Variants in PSMC6 observed in about 807,000 individuals in gnomAD.
The protein encoded by PSMC6 is 26S proteasome regulatory subunit 10B.
PSMC6 carries 3 observed loss-of-function variants against 55.9 expected under a neutral mutation model. That is an observed-to-expected ratio of 0.05 (90% CI 0.02 to 0.14). The LOEUF (loss-of-function observed/expected upper bound fraction) is 0.14. Ranked by LOEUF, PSMC6 falls within the 10% of genes least tolerant of loss-of-function variation. The pLI, the probability that PSMC6 is intolerant of heterozygous loss-of-function variation, is 1.00. For missense variants in PSMC6, 210 were observed against 478.7 expected, an observed-to-expected ratio of 0.44 and a Z score of 5.24; for synonymous variants, 137 against 155.9, an observed-to-expected ratio of 0.88 and a Z score of 0.90.
At chr14:52,710,250 A>AC (rs1162392536) in intron 4 of PSMC6, 1 of 151,976 alleles carries the variant, frequency 6.6e-6, no homozygotes, top group African/African-American at 2.4e-5. Flanking sequence ...ACATGGTGAA[A>AC]CCCCGTCTTT....
rs1340431146 is a variant in PSMC6, at chr14:52,727,680, AG to A, written c.*64del. 2.6e-5 allele frequency: 30 copies of A among 1,139,156 alleles called. No individual in the cohort carries two copies. The African/African-American group carries it at 3.4e-4, about 13-fold the overall frequency. The allele number at this position is 1,139,156 out of a possible 1,614,324, so 70.6% of individuals were successfully genotyped here. On this transcript the variant is annotated 3_prime_UTR_variant, in exon 14 of 14. Transcript: ENST00000445930. Reference sequence around the variant, plus strand: ...TGGCTTATTGTAAAAATAAAGTTAAAGAAAATAATGTATGTATTGGTAATGA... The same window carrying A: ...TGGCTTATTGTAAAAATAAAGTTAAAAAAATAATGTATGTATTGGTAATGA...
At chr14:52,717,694 C>T (rs999933718) in intron 7 of PSMC6, among the ~76,000 whole-genome samples, 1 of 151,724 alleles carries the variant, frequency 6.6e-6, no homozygotes. Context: ...ACTTGCCAAA[C>T]GATTATATTC....
rs71444775 is a variant in PSMC6 at position 52,720,367 on chromosome 14, C to CAAAAAAAAAAAA, written c.778-475_778-464dup. Among the ~76,000 whole-genome samples, 30 of 41,482 alleles carry CAAAAAAAAAAAA rather than the reference C, an allele frequency of 7.2e-4. 3 individuals are homozygous for CAAAAAAAAAAAA. The highest frequency in any genetic ancestry group is 2.2e-3 in the African/African-American group (25 of 11,252). 27.2% of individuals were successfully genotyped at this position (41,482 alleles called of 152,430 possible). On this transcript the variant is annotated intron_variant, in intron 10 of 13. Coordinates refer to ENST00000445930, the MANE Select transcript of PSMC6 (RefSeq NM_002806.5). Reference sequence around the variant, plus strand: ...TGGGTGACAGAGTGAAACTCTGTCTCAAAAAAAAAAAAAAAAAAAAAAAAA... The same window carrying CAAAAAAAAAAAA: ...TGGGTGACAGAGTGAAACTCTGTCTCAAAAAAAAAAAAAAAAAAAAAAAAAAAAAAAAAAAAA...
intron 9 of PSMC6, 91 bp downstream of exon 9, chr14:52,718,443 T>A: frequency 7.5e-7 from 1 of 1,338,720 alleles, no homozygotes; most frequent in Admixed American, 2.2e-5. Flanking sequence ...TTGTGACTTG[T>A]ATGAAGTAGA....
chr14:52,724,889 T>C (rs1266693500), intron 13 of PSMC6, among the ~76,000 whole-genome samples: 2 of 152,254 alleles, frequency 1.3e-5, no homozygotes, highest in Non-Finnish European at 2.9e-5. Context: ...TTGCTTTTCA[T>C]ATCATGTTTA....
intron 7 of PSMC6, among the ~76,000 whole-genome samples, chr14:52,715,171 G>A (rs1183507632): frequency 1.3e-5 from 2 of 151,382 alleles, no homozygotes; most frequent in Non-Finnish European, 2.9e-5. Context: ...AGTCCTTGGT[G>A]AAACAGTAAA....
chr14:52,719,412 AATT>A (rs1343830541), intron 10 of PSMC6, among the ~76,000 whole-genome samples: 14 of 152,326 alleles, frequency 9.2e-5, no homozygotes, highest in African/African-American at 3.4e-4. Flanking sequence ...CTGCTCTAAA[AATT>A]ATTTTTTTCT....
At chr14:52,717,359 G>A (rs1222980512) in intron 7 of PSMC6, among the ~76,000 whole-genome samples, 3 of 110,464 alleles carry the variant, frequency 2.7e-5, no homozygotes, top group East Asian at 2.7e-4. Context: ...TTTTGAGACA[G>A]AGTCTTGCTC....
chr14:52,707,776 C>T (rs1328950309), intron 1 of PSMC6, among the ~76,000 whole-genome samples: 1 of 152,142 alleles, frequency 6.6e-6, no homozygotes, highest in African/African-American at 2.4e-5. Flanking sequence ...TCTTGTGTTT[C>T]GTGTTGTACT....
chr14:52,723,379 T>G (rs750893843), intron 12 of PSMC6: 1 of 152,818 alleles, frequency 6.5e-6, no homozygotes, highest in African/African-American at 2.4e-5. Context: ...ATGTCTGTTA[T>G]GTGGGTGGAT....
chr14:52,717,931 G>A (rs1207487943), intron 7 of PSMC6, 150 bp from the exon 8 acceptor site: 4 of 667,300 alleles, frequency 6.0e-6, no homozygotes, highest in African/African-American at 1.8e-5. Flanking sequence ...GGGAGGCTGA[G>A]GTGGGAAAAT....
intron 9 of PSMC6, 174 bp from the exon 10 acceptor site, chr14:52,718,803 T>G (rs2041858643): frequency 1.7e-6 from 1 of 603,260 alleles, no homozygotes; most frequent in Admixed American, 3.2e-5. Flanking sequence ...ACCTTTCACT[T>G]TAACAAAATG....
chr14:52,710,978 T>G, intron 4 of PSMC6, 123 bp from the exon 5 acceptor site: 1 of 855,476 alleles, frequency 1.2e-6, no homozygotes, highest in Non-Finnish European at 1.9e-6. Context: ...GAGTTTATAA[T>G]CTGATATTTG....
chr14:52,723,916 A>G (rs767940372), intron 12 of PSMC6, 49 bp from the exon 13 acceptor site: 1 of 1,602,496 alleles, frequency 6.2e-7, no homozygotes, highest in East Asian at 2.2e-5. Flanking sequence ...GCATAAATCA[A>G]GTAAAGGTCT....
rs2041860949 is a variant in PSMC6, at chr14:52,719,042, A to G, written c.777+4A>G. 2 of 1,605,578 alleles carry G rather than the reference A, an allele frequency of 1.2e-6. No individual in the cohort carries two copies. Among genetic ancestry groups the G allele is most frequent in the Non-Finnish European group, 1.7e-6 (2 of 1,172,474 alleles). ...GATTCAGAGAACGTTAATGGAGGTA[A>G]TATTTGGTAAAGGGGGTTTATAAAG... On this transcript the variant is annotated splice_donor_region_variant and intron_variant, in intron 10 of 13. Coordinates refer to ENST00000445930, the MANE Select transcript of PSMC6 (RefSeq NM_002806.5).
intron 6 of PSMC6, among the ~76,000 whole-genome samples, chr14:52,711,766 C>T (rs183800465): frequency 1.6e-4 from 24 of 151,912 alleles, no homozygotes; most frequent in East Asian, 3.9e-4. Flanking sequence ...GGCAAAGGAA[C>T]GGAGAAAAAG....
intron 9 of PSMC6, chr14:52,718,720 A>G (rs957492355): frequency 8.9e-6 from 4 of 447,236 alleles, no homozygotes; most frequent in Non-Finnish European, 1.6e-5. Flanking sequence ...CAGGAGACGT[A>G]GGTTGCAGTG....
At chr14:52,715,588 G>A (rs1482423696) in intron 7 of PSMC6, among the ~76,000 whole-genome samples, 1 of 151,280 alleles carries the variant, frequency 6.6e-6, no homozygotes, top group African/African-American at 2.4e-5. Flanking sequence ...GCACTATGTG[G>A]TTGAAGCTTT....
chr14:52,721,384 G>A, intron 12 of PSMC6, 194 bp downstream of exon 12: 1 of 493,554 alleles, frequency 2.0e-6, no homozygotes, highest in Non-Finnish European at 3.6e-6. Context: ...TGACAATATA[G>A]CAAGGAACAA....
Sources: allele counts gnomAD v4.1 joint callset (sites outside exome capture counted in the v4.1 genomes callset), GRCh38; gene constraint gnomAD v4.1.1; transcripts MANE v1.5; gene names NCBI Gene and HGNC (gene_info 2026-07-23, HGNC 2026-07-21).